Variants in COL21A1 observed in about 807,000 individuals in gnomAD.
The protein encoded by COL21A1 is collagen alpha-1(XXI) chain.
COL21A1 carries 149 observed loss-of-function variants against 137.9 expected under a neutral mutation model. That is an observed-to-expected ratio of 1.08 (90% confidence interval 0.95 to 1.24). The LOEUF is 1.24. Ranked by LOEUF, COL21A1 falls within the 50% of genes most tolerant of loss-of-function variation. The pLI is 0.00. For synonymous variants in COL21A1, 456 were observed against 391.5 expected (o/e 1.16, Z -1.95); for missense variants, 1,167 against 1,158.4 (o/e 1.01, Z -0.11).
At chr6:56,205,833 A>C (rs964161608) in intron 1 of COL21A1, among the ~76,000 whole-genome samples, 1 of 152,222 alleles carries the variant, frequency 6.6e-6, no homozygotes, top group Non-Finnish European at 1.5e-5. Context: ...AATATTCTAC[A>C]TTCGTAAAGA....
At chr6:56,097,190 G>C (rs143309212) in intron 17 of COL21A1, among the ~76,000 whole-genome samples, 191 of 152,150 alleles carry the variant, frequency 1.3e-3, no homozygotes, top group African/African-American at 4.5e-3. Flanking sequence ...CATCAAGAAA[G>C]AGAGGGGAAT....
chr6:56,129,711 A>T (rs1410324781), intron 12 of COL21A1, among the ~76,000 whole-genome samples: 3 of 146,110 alleles, frequency 2.1e-5, no homozygotes, highest in Admixed American at 7.0e-5. Context: ...AGAGAGAGAG[A>T]GAGAGAGAGA....
rs541775993 is a variant in COL21A1 at position 56,236,203 on chromosome 6, C to T, written c.-39+11184G>A. ...TCAGAATATGATGTTCCACTTGGGG[C>T]ATATATTAGCTGTCTTCAAATGCTG... On this transcript the variant is annotated intron_variant, in intron 1 of 29. Transcript: ENST00000244728. 3.9e-5 allele frequency among the ~76,000 whole-genome samples: 6 copies of T among 152,000 alleles called. No individual in the cohort carries two copies. The South Asian group carries it at 1.0e-3, about 26-fold the overall frequency.
rs1167398800 is a variant in COL21A1, at chr6:56,102,220, AG to A, written c.1759-696del. Reference sequence around the variant, plus strand: ...TTCTTCTACTAAAACAATAAATATTAGCTGAATATAATCCTAAAATGTATAA... The same window carrying A: ...TTCTTCTACTAAAACAATAAATATTACTGAATATAATCCTAAAATGTATAA... On this transcript the variant is annotated intron_variant, in intron 16 of 29. Coordinates refer to ENST00000244728, the MANE Select transcript of COL21A1 (RefSeq NM_030820.4). 1.1e-4 allele frequency among the ~76,000 whole-genome samples: 17 copies of A among 152,338 alleles called. No homozygotes were observed. The South Asian group carries it at 3.5e-3, about 32-fold the overall frequency.
chr6:56,130,212 A>ATAT lies in COL21A1; in HGVS notation c.1543-4064_1543-4063insATA, dbSNP rs1561898504. Among the ~76,000 whole-genome samples, 149 of 19,066 alleles carry ATAT rather than the reference A, an allele frequency of 7.8e-3. 1 individual carries two copies. The highest frequency in any genetic ancestry group is 0.015 in the African/African-American group (117 of 7,702). The allele number at this position is 19,066 out of a possible 152,430, so 12.5% of individuals were successfully genotyped here. A position where few individuals can be genotyped will look rare whatever the true frequency, so the allele number is the denominator to read the frequency against. On this transcript the variant is annotated intron_variant, in intron 12 of 29. Transcript: ENST00000244728. The stretch of plus-strand genomic sequence containing the variant: ...ATATATATATATATATATATATATA[A>ATAT]AATTTCAAATTACATATTTATAATT...
intron 1 of COL21A1, among the ~76,000 whole-genome samples, chr6:56,339,218 G>T (rs1292751153): frequency 6.6e-6 from 1 of 152,124 alleles, no homozygotes; most frequent in Non-Finnish European, 1.5e-5. Flanking sequence ...TTACCTGCAG[G>T]CTATGGGAGC....
intron 1 of COL21A1, among the ~76,000 whole-genome samples, chr6:56,312,043 A>G (rs1268097103): frequency 6.6e-6 from 1 of 152,208 alleles, no homozygotes; most frequent in Non-Finnish European, 1.5e-5. Context: ...CTATAAAACT[A>G]TTCAGCGAAT....
intron 1 of COL21A1, among the ~76,000 whole-genome samples, chr6:56,343,720 C>T (rs1286975451): frequency 2.0e-5 from 3 of 152,112 alleles, no homozygotes; most frequent in Non-Finnish European, 4.4e-5. Flanking sequence ...GCAGGAGGAT[C>T]ACTTGAGGCC....
intron 16 of COL21A1, among the ~76,000 whole-genome samples, chr6:56,108,439 T>G (rs985819784): frequency 5.9e-5 from 9 of 151,726 alleles, no homozygotes; most frequent in Non-Finnish European, 3.0e-5. Context: ...CAAATAAAAA[T>G]AAAAAGAAAA....
intron 1 of COL21A1, among the ~76,000 whole-genome samples, chr6:56,185,681 C>G (rs1055433305): frequency 6.6e-6 from 1 of 151,722 alleles, no homozygotes; most frequent in South Asian, 2.1e-4. Flanking sequence ...ATGATCCACC[C>G]GCCTCGGCCT....
chr6:56,111,454 G>A (rs1387509613), intron 16 of COL21A1, among the ~76,000 whole-genome samples: 1 of 152,148 alleles, frequency 6.6e-6, no homozygotes, highest in Non-Finnish European at 1.5e-5. Context: ...TGGTTTCTTA[G>A]TTTTGACAAA....
intron 3 of COL21A1, among the ~76,000 whole-genome samples, chr6:56,172,804 A>G (rs1242540995): frequency 6.6e-6 from 1 of 152,160 alleles, no homozygotes; most frequent in East Asian, 1.9e-4. Flanking sequence ...AATATAGAAT[A>G]TTTATATGTA....
intron 1 of COL21A1, among the ~76,000 whole-genome samples, chr6:56,207,629 C>T (rs954434414): frequency 2.6e-5 from 4 of 152,140 alleles, no homozygotes; most frequent in Admixed American, 1.3e-4. Context: ...GATACCATTC[C>T]TTCTGAAACT....
chr6:56,335,183 G>T (rs1765309829), intron 1 of COL21A1, among the ~76,000 whole-genome samples: 1 of 152,052 alleles, frequency 6.6e-6, no homozygotes, highest in East Asian at 1.9e-4. Flanking sequence ...TTGGACCACT[G>T]GTTGGTGCAG....
intron 1 of COL21A1, among the ~76,000 whole-genome samples, chr6:56,286,446 C>T (rs1763916910): frequency 6.6e-6 from 1 of 152,194 alleles, no homozygotes; most frequent in Non-Finnish European, 1.5e-5. Flanking sequence ...CACATACACT[C>T]ATATATGCAC....
chr6:56,196,518 T>C (rs1278535725), intron 1 of COL21A1, among the ~76,000 whole-genome samples: 2 of 152,078 alleles, frequency 1.3e-5, no homozygotes, highest in East Asian at 3.8e-4. Context: ...AATAAACTTG[T>C]GGGATACAAA....
chr6:56,216,920 T>G (rs1230229300), intron 1 of COL21A1, among the ~76,000 whole-genome samples: 1 of 152,036 alleles, frequency 6.6e-6, no homozygotes, highest in Non-Finnish European at 1.5e-5. Flanking sequence ...TGAGAATATA[T>G]ATTTAGAAGG....
At chr6:56,233,127 T>C (rs1483650370) in intron 1 of COL21A1, among the ~76,000 whole-genome samples, 2 of 151,776 alleles carry the variant, frequency 1.3e-5, no homozygotes, top group Admixed American at 6.6e-5. Flanking sequence ...GCACTTAGAC[T>C]AGACTGACAA....
chr6:56,259,353 AT>A (rs1763192184), intron 1 of COL21A1, among the ~76,000 whole-genome samples: 1 of 152,230 alleles, frequency 6.6e-6, no homozygotes, highest in Middle Eastern at 3.4e-3. Flanking sequence ...TTTTCCTTCC[AT>A]CCATCTCTCT....
Sources: allele counts gnomAD v4.1 joint callset (sites outside exome capture counted in the v4.1 genomes callset), GRCh38; gene constraint gnomAD v4.1.1; transcripts MANE v1.5; gene names NCBI Gene and HGNC (gene_info 2026-07-23, HGNC 2026-07-21).